Variants in SEMA5A observed in about 807,000 individuals in gnomAD.
SEMA5A encodes semaphorin 5A, also known as semaphorin-5A.
SEMA5A carries 55 observed loss-of-function variants against 135.5 expected under a neutral mutation model. The observed-to-expected ratio is 0.41, with a 90% CI of 0.33 to 0.51. The LOEUF is 0.51. Among genes scored for constraint, SEMA5A ranks in the 20% least tolerant of loss-of-function variants. The pLI, the probability that SEMA5A is intolerant of heterozygous loss-of-function variation, is 0.37. For missense variants in SEMA5A, 1,290 were observed against 1,419.9 expected, an observed-to-expected ratio of 0.91 and a Z score of 1.47; for synonymous variants, 580 against 546.5, an observed-to-expected ratio of 1.06 and a Z score of -0.85.
At chr5:9,360,393 A>G (rs1171155288) in intron 3 of SEMA5A, among the ~76,000 whole-genome samples, 2 of 152,256 alleles carry the variant, frequency 1.3e-5, no homozygotes, top group Non-Finnish European at 2.9e-5. Context: ...CAAAATACAT[A>G]TAATTGAGAA....
chr5:9,347,903 T>C (rs1753947241), intron 3 of SEMA5A, among the ~76,000 whole-genome samples: 1 of 152,234 alleles, frequency 6.6e-6, no homozygotes, highest in South Asian at 2.1e-4. Flanking sequence ...TACCATCTTG[T>C]AACCAATTGA....
At chr5:9,243,782 GCACTTTATAA>G (rs936400158) in intron 5 of SEMA5A, among the ~76,000 whole-genome samples, 5 of 152,092 alleles carry the variant, frequency 3.3e-5, no homozygotes, top group African/African-American at 9.7e-5. Flanking sequence ...CCCAGGATTG[GCACTTTATAA>G]CTTGGATCTG....
At chr5:9,536,607 C>T (rs1737781838) in intron 1 of SEMA5A, among the ~76,000 whole-genome samples, 1 of 139,108 alleles carries the variant, frequency 7.2e-6, no homozygotes, top group Admixed American at 7.2e-5. Context: ...AACAAGACTC[C>T]GTCTCAAAAA....
chr5:9,061,989 C>T (rs1737206741), intron 18 of SEMA5A, among the ~76,000 whole-genome samples: 2 of 151,878 alleles, frequency 1.3e-5, no homozygotes, highest in Non-Finnish European at 2.9e-5. Flanking sequence ...CATCAGTGGC[C>T]CAGGAAGGGA....
rs1347466100 is a variant in SEMA5A at position 9,066,570 on chromosome 5, T to C, written c.2150A>G (p.Asn717Ser). 6.2e-7 allele frequency: 1 copy of C among 1,614,242 alleles called. No homozygotes were observed. Among genetic ancestry groups the C allele is most frequent in the Admixed American group, 1.7e-5 (1 of 60,030 alleles). The change falls in exon 17 of 23, where the codon AAC (asparagine) becomes AGC (serine). Residue 717 changes from asparagine (N) to serine (S), a missense_variant. Physicochemically the swap from Asn to Ser is conservative, Grantham distance 46 (BLOSUM62 1). Transcript: ENST00000382496. ...TTPWTPWTPVNISDNGGHYEQ... is the reference protein window; with the variant it reads ...TTPWTPWTPVSISDNGGHYEQ... ...ATAGTGGCCGCCGTTGTCAGAGATG[T>C]TGACAGGTGTCCAGGGTGTCCAGGG...
At chr5:9,170,254 T>C (rs147130597) in intron 11 of SEMA5A, among the ~76,000 whole-genome samples, 4 of 152,198 alleles carry the variant, frequency 2.6e-5, no homozygotes, top group Non-Finnish European at 5.9e-5. Context: ...TTGCAAGAAA[T>C]GTGGAATGAA....
At chr5:9,365,574 A>G (rs77685508) in intron 3 of SEMA5A, among the ~76,000 whole-genome samples, 2,300 of 152,290 alleles carry the variant, frequency 0.015, 67 homozygotes, top group African/African-American at 0.052. Flanking sequence ...AGTGTACCCA[A>G]GATGAGTTCC....
At chr5:9,252,762 G>C (rs1748867191) in intron 5 of SEMA5A, among the ~76,000 whole-genome samples, 1 of 152,166 alleles carries the variant, frequency 6.6e-6, no homozygotes, top group African/African-American at 2.4e-5. Flanking sequence ...TATGGTAAAA[G>C]ATGGGTTCCA....
At chr5:9,415,290 G>A (rs893256628) in intron 2 of SEMA5A, among the ~76,000 whole-genome samples, 2 of 152,206 alleles carry the variant, frequency 1.3e-5, no homozygotes, top group South Asian at 2.1e-4. Flanking sequence ...CCTGGGAACT[G>A]CTCAGCATCT....
At chr5:9,157,659 T>C (rs907237309) in intron 11 of SEMA5A, among the ~76,000 whole-genome samples, 3 of 152,104 alleles carry the variant, frequency 2.0e-5, no homozygotes, top group Non-Finnish European at 4.4e-5. Context: ...CCTTCATGCC[T>C]CCATCCTTGC....
chr5:9,042,988 T>C lies in SEMA5A; in HGVS notation c.3134A>G (p.Glu1045Gly). 6.2e-7 allele frequency: 1 copy of C among 1,611,944 alleles called. No individual in the cohort carries two copies. The highest frequency in any genetic ancestry group is 8.5e-7 in the Non-Finnish European group (1 of 1,178,850). The change falls in exon 23 of 23, where the codon GAG (glutamate) becomes GGG (glycine). Residue 1045 changes from glutamate to glycine, a missense_variant. This residue lies in a region of SEMA5A where 1,029 missense variants were observed against 1,086.6 expected (regional missense o/e 0.95). Coordinates refer to ENST00000382496, the MANE Select transcript of SEMA5A (RefSeq NM_003966.3). ...TGGGTTGAAGTATTTGTTTCTTTCC[T>C]CTAGGATCAAGTTGTTTTTGTTAAA... ...KAFNKNNLIL[E>G]ERNKYFNPHL...
intron 15 of SEMA5A, among the ~76,000 whole-genome samples, chr5:9,111,710 C>T (rs775501242): frequency 1.4e-4 from 22 of 152,314 alleles, no homozygotes; most frequent in Non-Finnish European, 2.1e-4. Context: ...TAGGCTAACT[C>T]TGTCTCTTTG....
intron 7 of SEMA5A, among the ~76,000 whole-genome samples, chr5:9,225,433 G>C (rs112555350): frequency 0.024 from 3,522 of 148,414 alleles, 152 homozygotes; most frequent in African/African-American, 0.083. Flanking sequence ...GCCACGCATG[G>C]TGGCATGCAC....
At chr5:9,178,281 CTGAG>C (rs1181997668) in intron 11 of SEMA5A, among the ~76,000 whole-genome samples, 2 of 150,472 alleles carry the variant, frequency 1.3e-5, no homozygotes, top group African/African-American at 4.9e-5. Flanking sequence ...AAGTGAGCTC[CTGAG>C]TGAGGAAAAA....
At chr5:9,334,054 A>G (rs971041145) in intron 4 of SEMA5A, among the ~76,000 whole-genome samples, 3 of 152,160 alleles carry the variant, frequency 2.0e-5, no homozygotes, top group African/African-American at 7.2e-5. Context: ...CTCCATAACC[A>G]CAAATGGCTG....
rs1205970133 is a variant in SEMA5A, at chr5:9,337,826, A to G, written c.125-14T>C. The G allele has an allele frequency of 1.3e-6, 2 of 1,522,328 alleles. No individual in the cohort carries two copies. The highest frequency in any genetic ancestry group is 1.7e-5 in the Admixed American group (1 of 58,034). The allele number at this position is 1,522,328 out of a possible 1,614,324, so 94.3% of individuals were successfully genotyped here. A position where few individuals can be genotyped will look rare whatever the true frequency, so the allele number is the denominator to read the frequency against. On this transcript the variant is annotated splice_polypyrimidine_tract_variant and intron_variant, in intron 3 of 22. Transcript: ENST00000382496. ...AGGGGCCAATTTCTAAATAGAAAAA[A>G]TAAATAAATAAAAAGATAAAAATGA...
chr5:9,107,798 G>C (rs1396803848), intron 16 of SEMA5A, among the ~76,000 whole-genome samples: 1 of 152,122 alleles, frequency 6.6e-6, no homozygotes, highest in African/African-American at 2.4e-5. Context: ...TCTAGTGTCT[G>C]CCAAGAATCT....
chr5:9,448,746 G>T (rs897289413), intron 1 of SEMA5A, among the ~76,000 whole-genome samples: 30 of 151,812 alleles, frequency 2.0e-4, no homozygotes, highest in Admixed American at 7.2e-4. Flanking sequence ...CTGCCTGCTG[G>T]CTCTCTGAAA....
At chr5:9,406,292 T>C (rs1649386889) in intron 2 of SEMA5A, among the ~76,000 whole-genome samples, 1 of 152,316 alleles carries the variant, frequency 6.6e-6, no homozygotes, top group East Asian at 1.9e-4. Context: ...TAACACAGGC[T>C]TCTAAAAGGC....
Sources: gnomAD v4.1 joint callset for allele counts (sites outside exome capture counted in the v4.1 genomes callset) on GRCh38, gnomAD v4.1.1 for gene constraint, gnomAD v4.1.1 regional missense constraint, MANE v1.5 for transcripts, NCBI Gene and HGNC (gene_info 2026-07-23, HGNC 2026-07-21) for gene names.